Variants in TRPM6 observed in about 807,000 individuals in gnomAD.
TRPM6 encodes channel kinase 2.
TRPM6 carries 111 observed loss-of-function variants against 247.6 expected under a neutral mutation model. The ratio of observed to expected loss-of-function variants is 0.45; its 90% CI spans 0.38 to 0.52. The LOEUF (loss-of-function observed/expected upper bound fraction) is 0.52, where lower values mean the gene tolerates loss of function less well. TRPM6 is among the 20% of genes least tolerant of loss of function. The probability of loss-of-function intolerance (pLI) is 0.00; values close to 1 mark genes in which losing one functional copy is unlikely to be tolerated. For synonymous variants in TRPM6, 892 were observed against 853.8 expected, an observed-to-expected ratio of 1.04 and a Z score of -0.78; for missense variants, 2,126 against 2,421.5, an observed-to-expected ratio of 0.88 and a Z score of 2.56.
chr9:74,852,222 ACTTTTT>A (rs1436698957), intron 3 of TRPM6, among the ~76,000 whole-genome samples: 6 of 151,596 alleles, frequency 4.0e-5, no homozygotes, highest in African/African-American at 1.2e-4. Flanking sequence ...GAAAATGTTT[ACTTTTT>A]CTTTTTCTTT....
At chr9:74,740,894 C>A (rs1825843029) in intron 33 of TRPM6, among the ~76,000 whole-genome samples, 1 of 152,124 alleles carries the variant, frequency 6.6e-6, no homozygotes, top group African/African-American at 2.4e-5. Flanking sequence ...GGTGATATTA[C>A]TTCATTGAAA....
intron 38 of TRPM6, among the ~76,000 whole-genome samples, 174 bp from the exon 39 acceptor site, chr9:74,724,920 C>T (rs1825265379): frequency 1.3e-5 from 2 of 152,176 alleles, no homozygotes; most frequent in Admixed American, 1.3e-4. Flanking sequence ...CCTTTCCCAC[C>T]CCAATACCCC....
intron 1 of TRPM6, chr9:74,887,451 T>G (rs536948995): frequency 9.4e-7 from 1 of 1,068,588 alleles, no homozygotes; most frequent in Non-Finnish European, 1.3e-6. Flanking sequence ...ACCTCCGAAC[T>G]CCTCTCCCTC....
chr9:74,858,534 G>A lies in TRPM6; in HGVS notation c.113+135C>T, dbSNP rs1830596576. On this transcript the variant is annotated intron_variant, in intron 2 of 38. Coordinates refer to ENST00000360774, the MANE Select transcript of TRPM6 (RefSeq NM_017662.5). ...TAATCATGTATTATTTTTATAAAGTGAAAGAAATAAACATTGAAAATTCTA... is the reference window on the plus strand; with the variant it reads ...TAATCATGTATTATTTTTATAAAGTAAAAGAAATAAACATTGAAAATTCTA... The A allele has an allele frequency of 5.0e-6, 3 of 595,000 alleles. No homozygotes were observed. In the Admixed American group the frequency reaches 9.5e-5, roughly 19 times the overall value. The allele number at this position is 595,000 out of a possible 1,614,324, so 36.9% of individuals were successfully genotyped here.
At chr9:74,768,626 C>T (rs1271175730) in intron 25 of TRPM6, among the ~76,000 whole-genome samples, 1 of 152,216 alleles carries the variant, frequency 6.6e-6, no homozygotes, top group Non-Finnish European at 1.5e-5. Context: ...TCTCCCTTAG[C>T]TCCACATCTG....
At chr9:74,836,479 G>T (rs2118151117) in intron 5 of TRPM6, among the ~76,000 whole-genome samples, 1 of 152,246 alleles carries the variant, frequency 6.6e-6, no homozygotes, top group East Asian at 1.9e-4. Context: ...TGGATCACAG[G>T]CACACATCAA....
At chr9:74,804,392 G>A (rs1352526504) in intron 14 of TRPM6, 1 of 495,660 alleles carries the variant, frequency 2.0e-6, no homozygotes, top group Non-Finnish European at 3.6e-6. Flanking sequence ...ATTGCCATTA[G>A]CAGGAAGTTT....
At chr9:74,788,557 G>T in intron 20 of TRPM6, 57 bp downstream of exon 20, 6 of 1,606,662 alleles carry the variant, frequency 3.7e-6, no homozygotes, top group Middle Eastern at 3.3e-4. Context: ...TCTTTCAGTG[G>T]ACACCTACAG....
intron 28 of TRPM6, 35 bp from the exon 29 acceptor site, chr9:74,752,403 T>C: frequency 5.1e-6 from 6 of 1,178,342 alleles, no homozygotes; most frequent in South Asian, 1.3e-5. Context: ...AGAAAATACA[T>C]GAAAATGTGT....
chr9:74,832,379 A>G (rs1829577444), intron 6 of TRPM6, among the ~76,000 whole-genome samples: 2 of 152,222 alleles, frequency 1.3e-5, no homozygotes, highest in Admixed American at 6.5e-5. Context: ...ATGAAATCAA[A>G]TCACTAAATA....
intron 38 of TRPM6, among the ~76,000 whole-genome samples, chr9:74,726,043 G>A (rs1204908105): frequency 6.6e-6 from 1 of 152,164 alleles, no homozygotes; most frequent in African/African-American, 2.4e-5. Flanking sequence ...GGGAAACGTA[G>A]TCAAACAAAA....
chr9:74,806,598 C>T (rs1344796426), intron 14 of TRPM6, among the ~76,000 whole-genome samples: 4 of 152,264 alleles, frequency 2.6e-5, no homozygotes, highest in African/African-American at 4.8e-5. Context: ...TTATTACTAA[C>T]GATGACTCTG....
At chr9:74,748,990 CT>C (rs1026649826) in intron 30 of TRPM6, among the ~76,000 whole-genome samples, 2 of 152,098 alleles carry the variant, frequency 1.3e-5, no homozygotes, top group African/African-American at 4.8e-5. Context: ...TTTTTATCTT[CT>C]ATACTGTATT....
At chr9:74,780,412 C>T (rs1827393262) in intron 23 of TRPM6, among the ~76,000 whole-genome samples, 1 of 151,766 alleles carries the variant, frequency 6.6e-6, no homozygotes, top group Non-Finnish European at 1.5e-5. Context: ...TGAGATCGTG[C>T]CATTGCACTC....
At chr9:74,887,548 GC>G (rs1831577795) in intron 1 of TRPM6, 4 of 1,390,130 alleles carry the variant, frequency 2.9e-6, no homozygotes, top group Non-Finnish European at 3.9e-6. Flanking sequence ...CTAGGTTTCC[GC>G]TCTGACACCA....
chr9:74,786,047 C>G lies in TRPM6; in HGVS notation c.2746G>C (p.Val916Leu). ...ISEYWNLTET[V>L]AIGLFSAGFV... ...CCAGCTGAAAACAGGCCAATGGCCA[C>G]AGTTTCTGTTAAGTTCCAGTACTCA... The change falls in exon 21 of 39, where the codon GTG becomes CTG. Residue 916 changes from valine (V) to leucine (L), a missense_variant. Transcript: ENST00000360774. 6.2e-7 allele frequency: 1 copy of G among 1,614,224 alleles called. No individual in the cohort carries two copies. Among genetic ancestry groups the G allele is most frequent in the Non-Finnish European group, 8.5e-7 (1 of 1,180,034 alleles).
intron 1 of TRPM6, among the ~76,000 whole-genome samples, chr9:74,881,043 C>T (rs1831346259): frequency 6.6e-6 from 1 of 152,010 alleles, no homozygotes; most frequent in African/African-American, 2.4e-5. Context: ...ACCTGTAATC[C>T]TAGCACTTTG....
At chr9:74,763,239 G>A (rs1826713732) in intron 25 of TRPM6, 105 bp from the exon 26 acceptor site, 1 of 1,080,892 alleles carries the variant, frequency 9.3e-7, no homozygotes, top group Non-Finnish European at 1.4e-6. Context: ...AGCCTCAGCT[G>A]CTTCCCTAGG....
At position 74,728,229 on chromosome 9, in the gene TRPM6, A is replaced by G; in HGVS notation, c.5935+10T>C. Reference sequence around the variant, plus strand: ...TTTACTTAGAGAAAAAAGAACTGTTAGTGGCATACCCGGGAGTTTGAGCTT... The same window carrying G: ...TTTACTTAGAGAAAAAAGAACTGTTGGTGGCATACCCGGGAGTTTGAGCTT... On this transcript the variant is annotated intron_variant, in intron 38 of 38. Transcript: ENST00000360774. 6.3e-7 allele frequency: 1 copy of G among 1,597,356 alleles called. No homozygotes were observed. The highest frequency in any genetic ancestry group is 2.2e-5 in the East Asian group (1 of 44,806).
Sources: gnomAD v4.1 joint callset for allele counts (sites outside exome capture counted in the v4.1 genomes callset) on GRCh38, gnomAD v4.1.1 for gene constraint, MANE v1.5 for transcripts, NCBI Gene and HGNC (gene_info 2026-07-23, HGNC 2026-07-21) for gene names.